The following MYH10 variants were observed in gnomAD, a reference collection of about 807,000 sequenced individuals.
MYH10 encodes myosin heavy chain 10.
A neutral mutation model predicts 257.8 loss-of-function variants in MYH10; 55 were observed. The observed-to-expected ratio is 0.21, with a 90% CI of 0.17 to 0.27. The LOEUF (loss-of-function observed/expected upper bound fraction) is 0.27, where lower values mean the gene tolerates loss of function less well. Ranked by LOEUF, MYH10 falls within the 10% of genes least tolerant of loss-of-function variation. The probability of loss-of-function intolerance (pLI) is 1.00; values close to 1 mark genes in which losing one functional copy is unlikely to be tolerated. For missense variants in MYH10, 1,631 were observed against 2,500.6 expected, an observed-to-expected ratio of 0.65 and a Z score of 7.42; for synonymous variants, 854 against 921.7, an observed-to-expected ratio of 0.93 and a Z score of 1.33.
chr17:8,516,698 T>C (rs1225563203), intron 21 of MYH10, among the ~76,000 whole-genome samples: 1 of 152,250 alleles, frequency 6.6e-6, no homozygotes, highest in Non-Finnish European at 1.5e-5. Flanking sequence ...GTCAAGTTTT[T>C]TGCTAACTCT....
intron 24 of MYH10, among the ~76,000 whole-genome samples, chr17:8,512,103 A>C (rs548781550): frequency 1.3e-5 from 2 of 152,342 alleles, no homozygotes; most frequent in Non-Finnish European, 2.9e-5. Context: ...TGTCTATCTA[A>C]TGAATGGAGT....
At chr17:8,547,720 TATATATA>T (rs888155521) in intron 11 of MYH10, among the ~76,000 whole-genome samples, 8 of 147,024 alleles carry the variant, frequency 5.4e-5, no homozygotes, top group East Asian at 2.0e-4. Flanking sequence ...CAAACTGATA[TATATATA>T]ATATATATGT....
chr17:8,587,718 C>T (rs974737497), intron 4 of MYH10, among the ~76,000 whole-genome samples: 1 of 152,172 alleles, frequency 6.6e-6, no homozygotes, highest in African/African-American at 2.4e-5. Flanking sequence ...TTCCTCTCAT[C>T]AGCACTGAAT....
chr17:8,549,109 ATT>A (rs772527206), intron 9 of MYH10, among the ~76,000 whole-genome samples: 65 of 152,334 alleles, frequency 4.3e-4, no homozygotes, highest in Non-Finnish European at 6.5e-4. Flanking sequence ...ACAAAACTCT[ATT>A]GTTTTCAGAT....
intron 42 of MYH10, among the ~76,000 whole-genome samples, chr17:8,476,158 T>G (rs1347465516): frequency 6.6e-6 from 1 of 152,204 alleles, no homozygotes; most frequent in Non-Finnish European, 1.5e-5. Flanking sequence ...AGCAGGGTCC[T>G]TGGAGAACTG....
intron 2 of MYH10, among the ~76,000 whole-genome samples, chr17:8,609,704 A>C (rs2084952393): frequency 6.6e-6 from 1 of 152,164 alleles, no homozygotes; most frequent in African/African-American, 2.4e-5. Context: ...ATACCTCAGG[A>C]AATCAAGTGA....
At chr17:8,540,898 C>T (rs981067267) in intron 14 of MYH10, among the ~76,000 whole-genome samples, 1 of 152,230 alleles carries the variant, frequency 6.6e-6, no homozygotes, top group Non-Finnish European at 1.5e-5. Flanking sequence ...GAAGTCACTA[C>T]AAGCATGCCA....
intron 3 of MYH10, among the ~76,000 whole-genome samples, chr17:8,596,989 A>G (rs2084394941): frequency 6.6e-6 from 1 of 152,136 alleles, no homozygotes; most frequent in African/African-American, 2.4e-5. Flanking sequence ...GGAGGATAAC[A>G]GGCTTTGGGA....
At position 8,561,369 on chromosome 17, in the gene MYH10, C is replaced by T. The variant is rs547997784; in HGVS notation, c.757-7351G>A. On this transcript the variant is annotated intron_variant, in intron 7 of 42. Transcript: ENST00000360416. ...TTCGTCATTCGAAACACAGTGGAGGCCGCAGCAGTCAGGGGCATTCTGAAG... is the reference window on the plus strand; with the variant it reads ...TTCGTCATTCGAAACACAGTGGAGGTCGCAGCAGTCAGGGGCATTCTGAAG... 14 of 1,144,140 alleles carry T rather than the reference C, an allele frequency of 1.2e-5. No individual in the cohort carries two copies. In the South Asian group the frequency reaches 1.6e-4, roughly 13 times the overall value. 70.9% of individuals were successfully genotyped at this position (1,144,140 alleles called of 1,614,324 possible). A position where few individuals can be genotyped will look rare whatever the true frequency, so the allele number is the denominator to read the frequency against.
At chr17:8,579,424 C>T (rs1201652551) in intron 4 of MYH10, among the ~76,000 whole-genome samples, 1 of 152,172 alleles carries the variant, frequency 6.6e-6, no homozygotes, top group Non-Finnish European at 1.5e-5. Flanking sequence ...GGTGAAGGAA[C>T]CCTAGTGACC....
rs868536094 is a variant in MYH10, at chr17:8,520,999, C to T, written c.2152G>A (p.Ala718Thr). Reference sequence around the variant, plus strand: ...ACTAGGTGTGGATCCAATTTTCCAGCCTAATCAAGCAAACAATAGTTTCAT... The same window carrying T: ...ACTAGGTGTGGATCCAATTTTCCAGTCTAATCAAGCAAACAATAGTTTCAT... ...RCIIPNHEKR[A>T]GKLDPHLVLD... Residue 718 changes from alanine (A) to threonine (T), a missense_variant and splice_region_variant, in exon 19 of 43, where the codon GCT becomes ACT. This residue lies in a region of MYH10 where 96 missense variants were observed against 146.2 expected (regional missense o/e 0.66). Coordinates refer to ENST00000360416, the MANE Select transcript of MYH10 (RefSeq NM_001256012.3). 2 of 1,611,110 alleles carry T rather than the reference C, an allele frequency of 1.2e-6. No homozygotes were observed. The highest frequency in any genetic ancestry group is 1.7e-6 in the Non-Finnish European group (2 of 1,177,710).
chr17:8,558,612 A>G (rs2082886253), intron 7 of MYH10, among the ~76,000 whole-genome samples: 1 of 152,230 alleles, frequency 6.6e-6, no homozygotes. Context: ...GAGATACAAC[A>G]TTCTGGGTTA....
At chr17:8,587,395 G>A (rs971443386) in intron 4 of MYH10, among the ~76,000 whole-genome samples, 6 of 152,182 alleles carry the variant, frequency 3.9e-5, no homozygotes, top group Non-Finnish European at 8.8e-5. Context: ...TAACAAAGCC[G>A]ACTGACTAAC....
At chr17:8,561,158 CA>C in intron 7 of MYH10, 2 of 638,802 alleles carry the variant, frequency 3.1e-6, no homozygotes, top group Non-Finnish European at 5.5e-6. Context: ...AACTCAGTAA[CA>C]AAAACAAACA....
chr17:8,613,773 T>C (rs963347760), intron 2 of MYH10, among the ~76,000 whole-genome samples: 2 of 152,152 alleles, frequency 1.3e-5, no homozygotes, highest in Non-Finnish European at 2.9e-5. Flanking sequence ...CTGAAAAATA[T>C]TGTCAGATTT....
chr17:8,494,036 C>T, intron 31 of MYH10, 151 bp from the exon 32 acceptor site: 3 of 865,832 alleles, frequency 3.5e-6, no homozygotes, highest in Non-Finnish European at 5.2e-6. Flanking sequence ...TTTAAAAACA[C>T]ACACGATAAC....
intron 14 of MYH10, among the ~76,000 whole-genome samples, chr17:8,539,321 C>T (rs1281314932): frequency 6.6e-6 from 1 of 152,192 alleles, no homozygotes; most frequent in Non-Finnish European, 1.5e-5. Flanking sequence ...GACCATAAAA[C>T]TCATCCCTGG....
intron 7 of MYH10, among the ~76,000 whole-genome samples, chr17:8,565,007 A>G (rs966598149): frequency 6.6e-6 from 1 of 152,190 alleles, no homozygotes; most frequent in Non-Finnish European, 1.5e-5. Flanking sequence ...GGGCCATGAG[A>G]AAAAGGCTGA....
At chr17:8,476,804 C>T in intron 42 of MYH10, 72 bp downstream of exon 42, 2 of 1,503,976 alleles carry the variant, frequency 1.3e-6, no homozygotes, top group South Asian at 2.5e-5. Flanking sequence ...CTTCCTCTGA[C>T]CAGCTGCACC....
Sources: gnomAD v4.1 joint callset for allele counts (sites outside exome capture counted in the v4.1 genomes callset) on GRCh38, gnomAD v4.1.1 for gene constraint, gnomAD v4.1.1 regional missense constraint, MANE v1.5 for transcripts, NCBI Gene and HGNC (gene_info 2026-07-23, HGNC 2026-07-21) for gene names.